The following PTK2B variants were observed in gnomAD, a reference collection of about 807,000 sequenced individuals.
PTK2B encodes the protein protein tyrosine kinase 2 beta, also known as protein-tyrosine kinase 2-beta.
Under a neutral mutation model 142.9 loss-of-function variants are expected in PTK2B, and 71 were observed. The ratio of observed to expected loss-of-function variants is 0.50; its 90% CI spans 0.41 to 0.61. PTK2B has a LOEUF of 0.61. PTK2B is among the 20% of genes least tolerant of loss of function. The pLI is 0.00. For missense variants in PTK2B, 1,105 were observed against 1,320.4 expected, an observed-to-expected ratio of 0.84 and a Z score of 2.53; for synonymous variants, 519 against 503.4, an observed-to-expected ratio of 1.03 and a Z score of -0.42.
chr8:27,433,297 G>A (rs994878499), intron 10 of PTK2B, 138 bp from the exon 11 acceptor site: 23 of 718,308 alleles, frequency 3.2e-5, no homozygotes, highest in Admixed American at 1.2e-4. Context: ...TCCAGGGCAG[G>A]GCCCCAGGAG....
intron 1 of PTK2B, among the ~76,000 whole-genome samples, chr8:27,364,612 C>A (rs1176591780): frequency 6.6e-6 from 1 of 152,214 alleles, no homozygotes; most frequent in East Asian, 1.9e-4. Context: ...GCCATGAATT[C>A]TTGAGCTACA....
chr8:27,401,696 C>A (rs1324375187), intron 2 of PTK2B, among the ~76,000 whole-genome samples: 1 of 152,106 alleles, frequency 6.6e-6, no homozygotes, highest in East Asian at 1.9e-4. Context: ...TATGGGAAGC[C>A]ACTGATATAA....
intron 2 of PTK2B, among the ~76,000 whole-genome samples, chr8:27,400,993 G>A (rs927221623): frequency 8.0e-6 from 1 of 124,996 alleles, no homozygotes; most frequent in Non-Finnish European, 1.8e-5. Context: ...CAAAAAATTA[G>A]CTGGGTATGG....
rs764966348 is a variant in PTK2B at position 27,440,245 on chromosome 8, A to C, written c.1843A>C (p.Met615Leu). 2 of 1,614,152 alleles carry C rather than the reference A, an allele frequency of 1.2e-6. No individual in the cohort carries two copies. The highest frequency in any genetic ancestry group is 1.7e-6 in the Non-Finnish European group (2 of 1,180,016). Residue 615 changes from methionine (M) to leucine (L), a missense_variant, in exon 21 of 31, where the codon ATG (methionine) becomes CTG (leucine). By Grantham distance (15) the Met-to-Leu change is conservative. Transcript: ENST00000346049. ...GCTCCCTTACACCCCAGCCGTGTGC[A>C]TGTGGGAGATCCTGAGCTTTGGGAA... ...ASDVWMFAVC[M>L]WEILSFGKQP...
intron 1 of PTK2B, 67 bp from the exon 2 acceptor site, chr8:27,397,481 C>G: frequency 1.6e-6 from 2 of 1,263,872 alleles, no homozygotes; most frequent in Non-Finnish European, 2.3e-6. Flanking sequence ...GGTGCTGTCC[C>G]TGGGGCCATG....
upstream of PTK2B, among the ~76,000 whole-genome samples, chr8:27,324,558 A>G (rs528242402): frequency 2.0e-5 from 3 of 152,384 alleles, no homozygotes; most frequent in Non-Finnish European, 4.4e-5. Context: ...GGAAGGAGTC[A>G]GTGCAATCTT....
At chr8:27,377,483 G>C (rs1806742502) in intron 1 of PTK2B, among the ~76,000 whole-genome samples, 1 of 152,212 alleles carries the variant, frequency 6.6e-6, no homozygotes, top group African/African-American at 2.4e-5. Flanking sequence ...CTTGTTTCAT[G>C]CCAGTGTGAT....
chr8:27,451,768 C>G (rs1387986890), intron 27 of PTK2B: 14 of 1,344,066 alleles, frequency 1.0e-5, no homozygotes, highest in Non-Finnish European at 1.3e-5. Flanking sequence ...TCATCCCCCT[C>G]CTGCATTAGT....
At chr8:27,406,129 A>G (rs879731632) in intron 2 of PTK2B, among the ~76,000 whole-genome samples, 2 of 152,050 alleles carry the variant, frequency 1.3e-5, no homozygotes, top group Non-Finnish European at 2.9e-5. Flanking sequence ...CAGCTTATGG[A>G]TACTTCACTC....
chr8:27,395,186 G>A (rs560835976), intron 1 of PTK2B, among the ~76,000 whole-genome samples: 12 of 152,168 alleles, frequency 7.9e-5, no homozygotes, highest in East Asian at 1.9e-4. Context: ...TGTACCACCC[G>A]TAATTGTATG....
At position 27,451,036 on chromosome 8, in the gene PTK2B, T is replaced by A. The variant is rs201318382; in HGVS notation, c.2488-7T>A. ...TTAGTCCTTCGCTCTTGTTTCTTCC[T>A]CTGCAGGACCCCATGGTTTATATGA... On this transcript the variant is annotated splice_polypyrimidine_tract_variant and splice_region_variant and intron_variant, in intron 25 of 30. Transcript: ENST00000346049. The A allele has an allele frequency of 1.2e-6, 2 of 1,612,584 alleles. No individual in the cohort carries two copies. The highest frequency in any genetic ancestry group is 1.7e-5 in the Admixed American group (1 of 60,012).
chr8:27,311,196 A>C (rs749385003), upstream of PTK2B: 1 of 1,598,128 alleles, frequency 6.3e-7, no homozygotes, highest in Non-Finnish European at 8.5e-7. Context: ...TCCTTGAAGG[A>C]GCGGGAAGGC....
Position 27,448,981 on chromosome 8 carries a change from C to T in PTK2B, c.2341-1768C>T, listed in dbSNP as rs917353130. ...CAGTGGTTCTCAGCTAAGTTATTTTCCCTCTGAGAGGACATTTGACAATGT... is the reference window on the plus strand; with the variant it reads ...CAGTGGTTCTCAGCTAAGTTATTTTTCCTCTGAGAGGACATTTGACAATGT... On this transcript the variant is annotated intron_variant, in intron 24 of 30. Coordinates refer to ENST00000346049, the MANE Select transcript of PTK2B (RefSeq NM_173176.3). 2.0e-5 allele frequency among the ~76,000 whole-genome samples: 3 copies of T among 152,194 alleles called. No homozygotes were observed. In the East Asian group the frequency reaches 5.8e-4, roughly 29 times the overall value.
chr8:27,326,466 A>G (rs1803426128), intron 1 of PTK2B, among the ~76,000 whole-genome samples: 1 of 152,108 alleles, frequency 6.6e-6, no homozygotes, highest in African/African-American at 2.4e-5. Context: ...ATCTCCCTAT[A>G]CCCCAAACTG....
chr8:27,386,289 C>A (rs1330273518), intron 1 of PTK2B, among the ~76,000 whole-genome samples: 3 of 152,160 alleles, frequency 2.0e-5, no homozygotes, highest in African/African-American at 7.2e-5. Context: ...ATGCTTCACA[C>A]CCCTCGCCTT....
chr8:27,310,836 C>A, upstream of PTK2B: 1 of 1,607,360 alleles, frequency 6.2e-7, no homozygotes, highest in Admixed American at 1.7e-5. Context: ...ACCGGCTGCA[C>A]GCGGTGCCCC....
chr8:27,397,902 G>T, intron 2 of PTK2B, 114 bp downstream of exon 2: 1 of 1,257,102 alleles, frequency 8.0e-7, no homozygotes, highest in Non-Finnish European at 1.1e-6. Flanking sequence ...CTGGGTGGAA[G>T]AGGTGAGGTG....
intron 30 of PTK2B, among the ~76,000 whole-genome samples, chr8:27,455,791 T>C (rs991378930): frequency 6.6e-6 from 1 of 152,254 alleles, no homozygotes; most frequent in Non-Finnish European, 1.5e-5. Flanking sequence ...CTGTGTTGTT[T>C]TGCGCCACTA....
At chr8:27,406,788 T>C (rs1453901677) in intron 2 of PTK2B, among the ~76,000 whole-genome samples, 1 of 152,196 alleles carries the variant, frequency 6.6e-6, no homozygotes, top group African/African-American at 2.4e-5. Context: ...GGAAGCATTA[T>C]GGTACCATGA....
Sources: gnomAD v4.1 joint callset for allele counts (sites outside exome capture counted in the v4.1 genomes callset) on GRCh38, gnomAD v4.1.1 for gene constraint, MANE v1.5 for transcripts, NCBI Gene and HGNC (gene_info 2026-07-23, HGNC 2026-07-21) for gene names.